Variants in NFYC observed in about 807,000 individuals in gnomAD.
NFYC encodes the protein nuclear transcription factor Y subunit gamma, also known as CAAT box DNA-binding protein subunit C.
A neutral mutation model predicts 53.1 loss-of-function variants in NFYC; 25 were observed. The ratio of observed to expected loss-of-function variants is 0.47; its 90% CI spans 0.34 to 0.66. The LOEUF is 0.66. Among genes scored for constraint, NFYC ranks in the 30% least tolerant of loss-of-function variants. NFYC has a pLI of 0.01. For missense variants in NFYC, 260 were observed against 422.7 expected (o/e 0.62, Z 3.38); for synonymous variants, 145 against 152.6 (o/e 0.95, Z 0.37).
rs114990948 is a variant in NFYC at position 40,716,498 on chromosome 1, T to C, written c.-8-22338T>C. 8.0e-3 allele frequency among the ~76,000 whole-genome samples: 1,222 copies of C among 152,218 alleles called. 22 individuals carry two copies. Among genetic ancestry groups the C allele is most frequent in the African/African-American group, 0.028 (1,167 of 41,540 alleles). ...GTATGGAGAAGTAGATTGGGTCAGATGTTGAAGGGCCTTGTTTGCTAGGCT... is the reference window on the plus strand; with the variant it reads ...GTATGGAGAAGTAGATTGGGTCAGACGTTGAAGGGCCTTGTTTGCTAGGCT... On this transcript the variant is annotated intron_variant, in intron 1 of 9. Transcript: ENST00000447388.
In NFYC at chr1:40,701,437, G is replaced by A. The variant is rs565174365; in HGVS notation, c.-9+9570G>A. ...CTCTACTTCTAGCTTCTTGCTTCTG[G>A]GCTGCTGCTATACCAAACAGGAATG... On this transcript the variant is annotated intron_variant, in intron 1 of 9. Coordinates refer to ENST00000447388, the MANE Select transcript of NFYC (RefSeq NM_014223.5). 5.3e-5 allele frequency among the ~76,000 whole-genome samples: 8 copies of A among 152,262 alleles called. No individual in the cohort carries two copies. The East Asian group carries it at 5.8e-4, about 11-fold the overall frequency.
At position 40,733,488 on chromosome 1, in the gene NFYC, G is replaced by GA. The variant is rs899058720; in HGVS notation, c.-8-5338dup. ...CAACAGAGCGAAACCCTGGCTTTGA[G>GA]AAAAAAAAAATAGAGAGAAAGAGTA... On this transcript the variant is annotated intron_variant, in intron 1 of 9. Transcript: ENST00000447388. Among the ~76,000 whole-genome samples the GA allele has an allele frequency of 6.2e-4, 89 of 144,628 alleles. 1 individual carries two copies. The highest frequency in any genetic ancestry group is 6.9e-3 in the Middle Eastern group (2 of 290). The allele number at this position is 144,628 out of a possible 152,430, so 94.9% of individuals were successfully genotyped here.
intron 1 of NFYC, among the ~76,000 whole-genome samples, chr1:40,705,333 G>C (rs1643644536): frequency 7.7e-6 from 1 of 130,460 alleles, no homozygotes; most frequent in Admixed American, 1.0e-4. Context: ...CTTGTCAGCT[G>C]ACTGGCCCTC....
At chr1:40,747,035 G>A (rs1490608920) in intron 2 of NFYC, among the ~76,000 whole-genome samples, 2 of 152,150 alleles carry the variant, frequency 1.3e-5, no homozygotes, top group Middle Eastern at 3.2e-3. Context: ...GTCAGAAATG[G>A]CCACTATCAG....
Position 40,763,502 on chromosome 1 carries a change from A to G in NFYC, c.720+456A>G, listed in dbSNP as rs1349868337. On this transcript the variant is annotated intron_variant, in intron 7 of 9. Transcript: ENST00000447388. Reference sequence around the variant, plus strand: ...GCTGGGATTATAGGCACGTGCCACTATGCCCGGCTGATTTTTGTATTTTTA... The same window carrying G: ...GCTGGGATTATAGGCACGTGCCACTGTGCCCGGCTGATTTTTGTATTTTTA... The G allele has an allele frequency of 2.4e-5, 10 of 422,636 alleles. No homozygotes were observed. In the East Asian group the frequency reaches 2.9e-4, roughly 12 times the overall value. 26.2% of individuals were successfully genotyped at this position (422,636 alleles called of 1,614,324 possible).
intron 7 of NFYC, among the ~76,000 whole-genome samples, chr1:40,765,762 G>A (rs575091667): frequency 3.9e-5 from 6 of 152,258 alleles, no homozygotes; most frequent in Non-Finnish European, 2.9e-5. Flanking sequence ...TGTGGTAACC[G>A]CCTTGGTCCT....
intron 8 of NFYC, 25 bp downstream of exon 8, chr1:40,766,728 C>G: frequency 6.2e-7 from 1 of 1,602,868 alleles, no homozygotes; most frequent in Non-Finnish European, 8.5e-7. Flanking sequence ...GACACAAGGC[C>G]TGTGTTGGAG....
At chr1:40,766,338 T>C (rs1362439654) in intron 7 of NFYC, 2 of 439,730 alleles carry the variant, frequency 4.5e-6, no homozygotes, top group East Asian at 8.0e-5. Context: ...GTTCTCACCT[T>C]TGTGACAGGA....
At chr1:40,709,376 C>CG (rs1643866120) in intron 1 of NFYC, 1 of 152,054 alleles carries the variant, frequency 6.6e-6, no homozygotes, top group African/African-American at 2.4e-5. Context: ...ATTGGAGCCT[C>CG]GGAGTTTTTC....
At chr1:40,739,325 C>G (rs1026887874) in intron 2 of NFYC, among the ~76,000 whole-genome samples, 2 of 152,166 alleles carry the variant, frequency 1.3e-5, no homozygotes, top group African/African-American at 2.4e-5. Flanking sequence ...TTGGTAAAAA[C>G]TATTGGGCAA....
At chr1:40,716,698 A>G (rs1644148016) in intron 1 of NFYC, among the ~76,000 whole-genome samples, 1 of 152,176 alleles carries the variant, frequency 6.6e-6, no homozygotes, top group African/African-American at 2.4e-5. Flanking sequence ...AGGGCTTAGA[A>G]TTGTACGTGG....
rs543273638 is a variant in NFYC, at chr1:40,737,461, T to A, written c.-8-1375T>A. Among the ~76,000 whole-genome samples the A allele has an allele frequency of 7.2e-5, 11 of 151,770 alleles. No homozygotes were observed. The East Asian group carries it at 1.6e-3, about 22-fold the overall frequency. ...CTCCTGCCTCAGCCTCCTGAGTAAC[T>A]GGGATTACAAGCGTCTGCCGCCACG... On this transcript the variant is annotated intron_variant, in intron 1 of 9. Transcript: ENST00000447388.
chr1:40,704,998 T>G (rs11208727), intron 1 of NFYC, among the ~76,000 whole-genome samples: 1 of 152,208 alleles, frequency 6.6e-6, no homozygotes, highest in Admixed American at 6.5e-5. Context: ...GGAAGTTGAA[T>G]TGGATGACAT....
chr1:40,750,127 G>A (rs1461207309), intron 4 of NFYC, among the ~76,000 whole-genome samples: 2 of 151,866 alleles, frequency 1.3e-5, no homozygotes, highest in Admixed American at 6.6e-5. Context: ...CAGCCTTCCT[G>A]GGAGTCCTTT....
At chr1:40,738,208 C>CT (rs1363186175) in intron 1 of NFYC, among the ~76,000 whole-genome samples, 2 of 152,152 alleles carry the variant, frequency 1.3e-5, no homozygotes, top group African/African-American at 4.8e-5. Flanking sequence ...GGCCCTCTCT[C>CT]TTTTTTTAAG....
At chr1:40,714,976 A>AG (rs1175103563) in intron 1 of NFYC, among the ~76,000 whole-genome samples, 2 of 152,088 alleles carry the variant, frequency 1.3e-5, no homozygotes, top group Non-Finnish European at 2.9e-5. Context: ...GCTACTCGGC[A>AG]GGCTGAGGCA....
At chr1:40,769,169 C>T in intron 8 of NFYC, 187 bp from the exon 9 acceptor site, 2 of 612,910 alleles carry the variant, frequency 3.3e-6, no homozygotes, top group Non-Finnish European at 6.0e-6. Context: ...CTTTGTGCTG[C>T]CAACTCTTGA....
At chr1:40,723,125 T>C (rs1644385398) in intron 1 of NFYC, 1 of 152,200 alleles carries the variant, frequency 6.6e-6, no homozygotes, top group Non-Finnish European at 1.5e-5. Flanking sequence ...ATGATGTATG[T>C]GGCATGTATT....
intron 1 of NFYC, among the ~76,000 whole-genome samples, chr1:40,711,565 G>C (rs1013246176): frequency 2.0e-5 from 3 of 152,148 alleles, no homozygotes. Context: ...GCCTCTAGCC[G>C]AGGTTCTTCA....
Sources: gnomAD v4.1 joint callset for allele counts (sites outside exome capture counted in the v4.1 genomes callset) on GRCh38, gnomAD v4.1.1 for gene constraint, MANE v1.5 for transcripts, NCBI Gene and HGNC (gene_info 2026-07-23, HGNC 2026-07-21) for gene names.